Variants in ERMP1 observed in about 807,000 individuals in gnomAD.
ERMP1 encodes the protein endoplasmic reticulum metallopeptidase 1.
Under a neutral mutation model 92.0 loss-of-function variants are expected in ERMP1, and 86 were observed. The observed-to-expected ratio is 0.93, with a 90% CI of 0.79 to 1.12. The LOEUF is 1.12. ERMP1 is among the 50% of genes most tolerant of loss of function. ERMP1 has a pLI of 0.00. For missense variants in ERMP1, 1,342 were observed against 1,116.3 expected (o/e 1.20, Z -2.88); for synonymous variants, 530 against 412.8 (o/e 1.28, Z -3.44).
intron 4 of ERMP1, among the ~76,000 whole-genome samples, chr9:5,818,264 T>G (rs1443239921): frequency 6.6e-6 from 1 of 152,098 alleles, no homozygotes; most frequent in Non-Finnish European, 1.5e-5. Flanking sequence ...CAGGTTGTGA[T>G]AAAAGTGGTT....
intron 6 of ERMP1, among the ~76,000 whole-genome samples, chr9:5,850,748 A>G (rs1830299752): frequency 6.6e-6 from 1 of 152,188 alleles, no homozygotes; most frequent in Non-Finnish European, 1.5e-5. Context: ...AAATGATTCT[A>G]ATGTGCAGTC....
At chr9:5,846,362 G>A (rs1321896268) in intron 6 of ERMP1, among the ~76,000 whole-genome samples, 2 of 152,110 alleles carry the variant, frequency 1.3e-5, no homozygotes, top group Admixed American at 1.3e-4. Context: ...CTACTAATTT[G>A]CTGTGTGACC....
chr9:5,838,190 C>G (rs1179939292), intron 6 of ERMP1, among the ~76,000 whole-genome samples: 2 of 152,034 alleles, frequency 1.3e-5, no homozygotes, highest in East Asian at 3.8e-4. Context: ...TGCTGGAGGA[C>G]TACATATTGA....
chr9:5,854,374 C>T (rs1366368494), intron 6 of ERMP1, among the ~76,000 whole-genome samples: 1 of 152,192 alleles, frequency 6.6e-6, no homozygotes, highest in Non-Finnish European at 1.5e-5. Context: ...TTTTGCTCCA[C>T]CCAACCAGCT....
chr9:5,790,185 T>C (rs1294933926), intron 13 of ERMP1, among the ~76,000 whole-genome samples: 1 of 149,708 alleles, frequency 6.7e-6, no homozygotes, highest in Non-Finnish European at 1.5e-5. Context: ...TTTTTTTTTT[T>C]TTTTTTTCCC....
At position 5,850,224 on chromosome 9, in the gene ERMP1, G is replaced by C. The variant is rs144667152; in HGVS notation, n.3199+9244C>G. The stretch of plus-strand genomic sequence containing the variant: ...TCCTCGAGACCAGCCTGGCCAACAT[G>C]GTGAAACCCATCTCTACGAAAAATA... On this transcript the variant is annotated intron_variant and non_coding_transcript_variant, in intron 6 of 6. Coordinates refer to the ERMP1 transcript ENST00000690753. Among the ~76,000 whole-genome samples, 438 of 151,984 alleles carry C rather than the reference G, an allele frequency of 2.9e-3. 1 individual carries two copies. The highest frequency in any genetic ancestry group is 4.2e-3 in the Non-Finnish European group (285 of 67,964).
chr9:5,812,330 AT>A, intron 5 of ERMP1, 113 bp from the exon 6 acceptor site: 1 of 614,672 alleles, frequency 1.6e-6, no homozygotes. Flanking sequence ...CAGTGGCACG[AT>A]TGCTTTGTCA....
intron 5 of ERMP1, 55 bp from the exon 6 acceptor site, chr9:5,812,272 C>T: frequency 9.7e-7 from 1 of 1,026,830 alleles, no homozygotes; most frequent in Non-Finnish European, 1.4e-6. Context: ...ATCAACCTTG[C>T]TTTCGACCTA....
chr9:5,865,532 T>C (rs1416669996), intron 5 of ERMP1, among the ~76,000 whole-genome samples: 1 of 127,286 alleles, frequency 7.9e-6, no homozygotes, highest in Non-Finnish European at 1.6e-5. Flanking sequence ...ATAATAATAA[T>C]AATAATAATT....
At chr9:5,832,476 C>T (rs751785001) in intron 1 of ERMP1, 7 of 469,950 alleles carry the variant, frequency 1.5e-5, no homozygotes, top group Non-Finnish European at 2.2e-5. Context: ...ATCTGCACCA[C>T]GAGCTTAACC....
intron 12 of ERMP1, 100 bp from the exon 13 acceptor site, chr9:5,798,032 T>C (rs1267659229): frequency 1.3e-6 from 1 of 776,968 alleles, no homozygotes; most frequent in Non-Finnish European, 2.2e-6. Flanking sequence ...TTTTTGGGTA[T>C]GAAAATAAAC....
At chr9:5,832,158 G>C (rs10975308) in intron 1 of ERMP1, among the ~76,000 whole-genome samples, 48,426 of 151,764 alleles carry the variant, frequency 0.32, 9,351 homozygotes, top group East Asian at 0.74. Flanking sequence ...GCAGGGATCT[G>C]AGAATTTATC....
chr9:5,846,398 A>T (rs1185164353), intron 6 of ERMP1, among the ~76,000 whole-genome samples: 1 of 152,164 alleles, frequency 6.6e-6, no homozygotes, highest in Non-Finnish European at 1.5e-5. Context: ...CATCCCTCTG[A>T]GGCTGTTTCC....
chr9:5,816,490 T>C (rs1030317542), intron 4 of ERMP1, among the ~76,000 whole-genome samples: 2 of 152,218 alleles, frequency 1.3e-5, no homozygotes, highest in South Asian at 2.1e-4. Context: ...CTTTTGTATA[T>C]ATAAATATTC....
At chr9:5,807,346 C>T (rs1302964340) in intron 8 of ERMP1, among the ~76,000 whole-genome samples, 1 of 152,198 alleles carries the variant, frequency 6.6e-6, no homozygotes, top group Non-Finnish European at 1.5e-5. Context: ...CTTGTCTTCA[C>T]CACACTGGAC....
chr9:5,811,064 A>G, intron 7 of ERMP1, 47 bp downstream of exon 7: 1 of 1,334,874 alleles, frequency 7.5e-7, no homozygotes, highest in Non-Finnish European at 1.1e-6. Flanking sequence ...CTTCAAGCAC[A>G]TTCTACAGCA....
chr9:5,813,089 A>C (rs550008528), intron 4 of ERMP1, 54 bp from the exon 5 acceptor site: 39 of 1,590,296 alleles, frequency 2.5e-5, no homozygotes, highest in Non-Finnish European at 3.2e-5. Context: ...TTTTTTTAAC[A>C]TACTAATGTT....
chr9:5,825,157 A>T lies in ERMP1; in HGVS notation c.703T>A (p.Ser235Thr). 1 of 1,614,156 alleles carries T rather than the reference A, an allele frequency of 6.2e-7. No individual in the cohort carries two copies. Among genetic ancestry groups the T allele is most frequent in the African/African-American group, 1.3e-5 (1 of 75,058 alleles). ...ACAGCATGATGCAAGGCTTCTGAAG[A>T]TGTTGACAAGACGCGAAGGACTTCC... ...MLEVLRVLST[S>T]SEALHHAVIF... is the part of the protein sequence containing the mutation. Residue 235 changes from serine to threonine, a missense_variant, in exon 3 of 15, where the codon TCT becomes ACT. Transcript: ENST00000339450.
At chr9:5,805,481 T>C (rs1264283146) in intron 9 of ERMP1, 130 bp downstream of exon 9, 2 of 736,340 alleles carry the variant, frequency 2.7e-6, no homozygotes, top group East Asian at 5.9e-5. Flanking sequence ...ATAATTTGTG[T>C]GGTATGAAAA....
Sources: gnomAD v4.1 joint callset for allele counts (sites outside exome capture counted in the v4.1 genomes callset) on GRCh38, gnomAD v4.1.1 for gene constraint, MANE v1.5 for transcripts, NCBI Gene and HGNC (gene_info 2026-07-23, HGNC 2026-07-21) for gene names.